The following SLC4A10 variants were observed in gnomAD, a reference collection of about 807,000 sequenced individuals.
SLC4A10 encodes the protein solute carrier family 4 member 10.
In SLC4A10, 42 loss-of-function variants were observed where a neutral mutation model predicts 137.7. The observed-to-expected ratio is 0.30, with a 90% CI of 0.24 to 0.39. The LOEUF is 0.39. SLC4A10 is among the 10% of genes least tolerant of loss of function. The pLI is 1.00. For missense variants in SLC4A10, 925 were observed against 1,355.0 expected (o/e 0.68, Z 4.98); for synonymous variants, 474 against 464.1 (o/e 1.02, Z -0.27).
chr2:161,789,467 T>C (rs905584245), intron 2 of SLC4A10, among the ~76,000 whole-genome samples: 2 of 151,974 alleles, frequency 1.3e-5, no homozygotes, highest in African/African-American at 4.8e-5. Flanking sequence ...CATTCAACTG[T>C]AACTTTGATC....
intron 3 of SLC4A10, among the ~76,000 whole-genome samples, chr2:161,829,078 G>T (rs1056041920): frequency 6.6e-6 from 1 of 151,540 alleles, no homozygotes; most frequent in Non-Finnish European, 1.5e-5. Flanking sequence ...CCTTAATGCT[G>T]GTGTGGCCTG....
chr2:161,659,792 A>T (rs1047173824), intron 1 of SLC4A10, among the ~76,000 whole-genome samples: 1 of 152,238 alleles, frequency 6.6e-6, no homozygotes, highest in Admixed American at 6.5e-5. Flanking sequence ...AAAATGCAGC[A>T]TATTCATATA....
At chr2:161,825,273 T>C (rs2057939345) in intron 3 of SLC4A10, among the ~76,000 whole-genome samples, 1 of 152,120 alleles carries the variant, frequency 6.6e-6, no homozygotes, top group Admixed American at 6.6e-5. Context: ...TTTTTTCTTT[T>C]CTACCTTGAA....
intron 1 of SLC4A10, among the ~76,000 whole-genome samples, chr2:161,696,392 T>C (rs1444669145): frequency 6.7e-6 from 1 of 150,286 alleles, no homozygotes; most frequent in Non-Finnish European, 1.5e-5. Context: ...GCCATGCTGG[T>C]GTGCTGCACC....
At chr2:161,634,154 A>C (rs140097807) in intron 1 of SLC4A10, among the ~76,000 whole-genome samples, 1 of 151,862 alleles carries the variant, frequency 6.6e-6, no homozygotes, top group Non-Finnish European at 1.5e-5. Flanking sequence ...TGTGACAGTT[A>C]TTAAGTCTTT....
intron 16 of SLC4A10, 56 bp from the exon 17 acceptor site, chr2:161,947,510 A>G: frequency 1.9e-6 from 3 of 1,563,318 alleles, no homozygotes; most frequent in Non-Finnish European, 2.6e-6. Context: ...AGTTTTCTGC[A>G]AGAAATGTGT....
chr2:161,915,860 G>A (rs1368137499), intron 15 of SLC4A10, among the ~76,000 whole-genome samples: 5 of 152,114 alleles, frequency 3.3e-5, no homozygotes, highest in African/African-American at 1.2e-4. Context: ...AATCTTTTTG[G>A]TGTCAGTATA....
At chr2:161,830,662 A>G (rs2058378763) in intron 3 of SLC4A10, among the ~76,000 whole-genome samples, 1 of 152,170 alleles carries the variant, frequency 6.6e-6, no homozygotes. Context: ...AAATTTTAAA[A>G]AAAAGCCAAA....
At chr2:161,672,811 T>C (rs1340222202) in intron 1 of SLC4A10, among the ~76,000 whole-genome samples, 1 of 152,194 alleles carries the variant, frequency 6.6e-6, no homozygotes, top group East Asian at 1.9e-4. Context: ...CTTCTTCAAG[T>C]ATAATGATGT....
At chr2:161,860,320 T>A (rs1336918996) in intron 5 of SLC4A10, among the ~76,000 whole-genome samples, 1 of 152,294 alleles carries the variant, frequency 6.6e-6, no homozygotes, top group Non-Finnish European at 1.5e-5. Context: ...GACCTATGGC[T>A]TTTTTAGTGT....
At chr2:161,854,901 AT>A (rs2060018130) in intron 4 of SLC4A10, 68 bp from the exon 5 acceptor site, 22 of 1,397,658 alleles carry the variant, frequency 1.6e-5, no homozygotes, top group Non-Finnish European at 1.9e-5. Flanking sequence ...TCAACCTTTT[AT>A]TTTTGGTATA....
intron 1 of SLC4A10, among the ~76,000 whole-genome samples, chr2:161,666,481 C>T (rs1189647117): frequency 6.6e-6 from 1 of 151,628 alleles, no homozygotes; most frequent in Non-Finnish European, 1.5e-5. Flanking sequence ...TAACAGGGCC[C>T]AATCTCTACC....
chr2:161,909,252 T>TA (rs990804960), intron 15 of SLC4A10, among the ~76,000 whole-genome samples: 5 of 150,808 alleles, frequency 3.3e-5, no homozygotes, highest in East Asian at 1.9e-4. Flanking sequence ...ATTAAATATA[T>TA]AAAAAAAAAG....
intron 1 of SLC4A10, among the ~76,000 whole-genome samples, chr2:161,646,622 T>C (rs1422126520): frequency 3.3e-5 from 5 of 152,016 alleles, no homozygotes; most frequent in African/African-American, 7.2e-5. Context: ...GAAAGTTCTA[T>C]GTGTGAATCA....
chr2:161,770,107 T>C (rs944095650), intron 1 of SLC4A10, among the ~76,000 whole-genome samples: 2 of 151,966 alleles, frequency 1.3e-5, no homozygotes, highest in Non-Finnish European at 1.5e-5. Flanking sequence ...ACCTTTAGTA[T>C]ATCTTTTTAT....
At chr2:161,763,624 TG>T in intron 1 of SLC4A10, among the ~76,000 whole-genome samples, 1 of 152,094 alleles carries the variant, frequency 6.6e-6, no homozygotes. Flanking sequence ...ACAAGAGCTC[TG>T]GTCTATGAGA....
At chr2:161,636,553 T>C (rs1433934010) in intron 1 of SLC4A10, among the ~76,000 whole-genome samples, 2 of 151,888 alleles carry the variant, frequency 1.3e-5, no homozygotes, top group Non-Finnish European at 2.9e-5. Flanking sequence ...CGCCACCATA[T>C]ACCTGGCTAA....
intron 8 of SLC4A10, among the ~76,000 whole-genome samples, chr2:161,878,843 A>G (rs769775658): frequency 9.2e-5 from 14 of 152,176 alleles, no homozygotes; most frequent in African/African-American, 2.2e-4. Flanking sequence ...CTGAACTCAC[A>G]TACTTTTCCC....
chr2:161,974,388 AC>A, intron 24 of SLC4A10, 72 bp downstream of exon 24: 2 of 1,245,260 alleles, frequency 1.6e-6, no homozygotes, highest in Admixed American at 2.5e-5. Flanking sequence ...AGAATTTCAT[AC>A]TGTGTAGATC....
Sources: gnomAD v4.1 joint callset for allele counts (sites outside exome capture counted in the v4.1 genomes callset) on GRCh38, gnomAD v4.1.1 for gene constraint, MANE v1.5 for transcripts, NCBI Gene and HGNC (gene_info 2026-07-23, HGNC 2026-07-21) for gene names.